The following GNA14 variants were observed in gnomAD, a reference collection of about 807,000 sequenced individuals.
The protein encoded by GNA14 is guanine nucleotide-binding protein subunit alpha-14.
In GNA14, 50 loss-of-function variants were observed where a neutral mutation model predicts 42.0. The ratio of observed to expected loss-of-function variants is 1.19; its 90% confidence interval spans 0.95 to 1.51. The LOEUF is 1.51. GNA14 is among the 40% of genes most tolerant of loss of function. The probability of loss-of-function intolerance (pLI) is 0.00; values close to 1 mark genes in which losing one functional copy is unlikely to be tolerated. For synonymous variants in GNA14, 173 were observed against 163.1 expected, an observed-to-expected ratio of 1.06 and a Z score of -0.46; for missense variants, 473 against 446.2, an observed-to-expected ratio of 1.06 and a Z score of -0.54.
chr9:77,582,182 C>T (rs769894270), intron 1 of GNA14, among the ~76,000 whole-genome samples: 45 of 152,194 alleles, frequency 3.0e-4, no homozygotes, highest in Non-Finnish European at 5.1e-4. Flanking sequence ...AAGGCAAGAA[C>T]GCTTCCAATC....
At chr9:77,485,876 A>C (rs1303815466) in intron 2 of GNA14, among the ~76,000 whole-genome samples, 1 of 152,196 alleles carries the variant, frequency 6.6e-6, no homozygotes, top group African/African-American at 2.4e-5. Context: ...GCTGTCATCC[A>C]GGCTTTGTTG....
At chr9:77,462,355 C>G (rs1408756534) in intron 2 of GNA14, among the ~76,000 whole-genome samples, 2 of 152,178 alleles carry the variant, frequency 1.3e-5, no homozygotes, top group Non-Finnish European at 2.9e-5. Context: ...CCCAGTGGCT[C>G]TTGCCTGGGA....
At chr9:77,554,727 A>G (rs970079014) in intron 1 of GNA14, among the ~76,000 whole-genome samples, 5 of 152,166 alleles carry the variant, frequency 3.3e-5, no homozygotes, top group Non-Finnish European at 4.4e-5. Flanking sequence ...TCAGAAAAAC[A>G]TCTCCTGTCT....
chr9:77,483,739 C>T (rs772266753), intron 2 of GNA14, among the ~76,000 whole-genome samples: 4 of 152,124 alleles, frequency 2.6e-5, no homozygotes, highest in Admixed American at 6.5e-5. Context: ...AACTAAAGCA[C>T]ATAAATCTTT....
At chr9:77,477,096 C>T (rs1299643087) in intron 2 of GNA14, among the ~76,000 whole-genome samples, 1 of 152,164 alleles carries the variant, frequency 6.6e-6, no homozygotes, top group Non-Finnish European at 1.5e-5. Context: ...GTAGCTCTCA[C>T]GTGTAATCCC....
intron 1 of GNA14, among the ~76,000 whole-genome samples, chr9:77,574,238 T>C (rs1288106731): frequency 6.6e-6 from 1 of 152,152 alleles, no homozygotes; most frequent in African/African-American, 2.4e-5. Flanking sequence ...GAAAGCAGTC[T>C]CAGCAACAGG....
At chr9:77,621,618 TTAGG>T (rs1285462479) in intron 1 of GNA14, among the ~76,000 whole-genome samples, 4 of 152,174 alleles carry the variant, frequency 2.6e-5, no homozygotes, top group African/African-American at 9.7e-5. Flanking sequence ...AATTAAATTA[TTAGG>T]TAAGAGAGAG....
chr9:77,551,367 T>G (rs1837783144), intron 1 of GNA14, among the ~76,000 whole-genome samples: 1 of 152,204 alleles, frequency 6.6e-6, no homozygotes, highest in Non-Finnish European at 1.5e-5. Flanking sequence ...ACTTCCTTTA[T>G]GTGGTCAACC....
intron 2 of GNA14, among the ~76,000 whole-genome samples, chr9:77,528,149 A>C (rs1194483139): frequency 6.6e-6 from 1 of 152,168 alleles, no homozygotes; most frequent in Non-Finnish European, 1.5e-5. Flanking sequence ...TTAATCATAT[A>C]TATATGAGTA....
chr9:77,510,749 T>G (rs1837151798), intron 2 of GNA14, among the ~76,000 whole-genome samples: 1 of 152,140 alleles, frequency 6.6e-6, no homozygotes, highest in African/African-American at 2.4e-5. Context: ...CTTTGGCCCT[T>G]TTCGTATCAG....
chr9:77,597,464 C>A (rs555337115), intron 1 of GNA14, among the ~76,000 whole-genome samples: 1 of 152,156 alleles, frequency 6.6e-6, no homozygotes, highest in African/African-American at 2.4e-5. Flanking sequence ...AACCAGACAC[C>A]ATGCTCAATC....
chr9:77,460,251 G>GAGGACAGAGGGAGACAC (rs1419059417), intron 2 of GNA14, among the ~76,000 whole-genome samples: 2 of 152,234 alleles, frequency 1.3e-5, no homozygotes, highest in Non-Finnish European at 2.9e-5. Flanking sequence ...AGAGACAGAA[G>GAGGACAGAGGGAGACAC]AGGACAGAGG....
chr9:77,571,871 A>G (rs1011217854), intron 1 of GNA14, among the ~76,000 whole-genome samples: 1 of 152,096 alleles, frequency 6.6e-6, no homozygotes, highest in African/African-American at 2.4e-5. Context: ...TGAAATGATA[A>G]TTTTTTTGAT....
At chr9:77,526,062 C>A (rs887809601) in intron 2 of GNA14, among the ~76,000 whole-genome samples, 3 of 149,954 alleles carry the variant, frequency 2.0e-5, no homozygotes, top group Non-Finnish European at 4.4e-5. Flanking sequence ...CCATCACACC[C>A]GGCTAATTTT....
intron 2 of GNA14, among the ~76,000 whole-genome samples, chr9:77,485,745 G>T (rs146984398): frequency 1.3e-5 from 2 of 152,072 alleles, no homozygotes; most frequent in African/African-American, 4.8e-5. Context: ...CCATCAGAGC[G>T]CTTAGGTGAC....
At chr9:77,626,735 G>C (rs959311833) in intron 1 of GNA14, among the ~76,000 whole-genome samples, 2 of 152,188 alleles carry the variant, frequency 1.3e-5, no homozygotes, top group Non-Finnish European at 2.9e-5. Flanking sequence ...AGCTAAAGCA[G>C]TGTTTAGAAG....
At chr9:77,516,391 G>A (rs1447020414) in intron 2 of GNA14, among the ~76,000 whole-genome samples, 2 of 152,124 alleles carry the variant, frequency 1.3e-5, no homozygotes, top group Non-Finnish European at 2.9e-5. Context: ...TCACTTGGAG[G>A]CAGGGAAGCA....
In GNA14 at chr9:77,603,943, CAAAAAAAAAAAACAAAAAAAAAAAA is replaced by C. The variant is rs1188762529; in HGVS notation, c.124+43702_124+43726del. ...TGGGAGACAGAGTAAGACTCCATCT[CAAAAAAAAAAAACAAAAAAAAAAAA>C]AAAAAAAAAAAAACACCTCTGAGAA... On this transcript the variant is annotated intron_variant, in intron 1 of 6. Transcript: ENST00000341700. 3.0e-4 allele frequency among the ~76,000 whole-genome samples: 12 copies of C among 40,166 alleles called. No individual in the cohort carries two copies. The Admixed American group carries it at 3.1e-3, about 10-fold the overall frequency. The allele number at this position is 40,166 out of a possible 152,430, so 26.4% of individuals were successfully genotyped here.
At chr9:77,485,580 G>C (rs1254706035) in intron 2 of GNA14, among the ~76,000 whole-genome samples, 3 of 152,180 alleles carry the variant, frequency 2.0e-5, no homozygotes, top group East Asian at 3.9e-4. Flanking sequence ...AGATCAATCA[G>C]AGAAGTCACT....
Sources: allele counts gnomAD v4.1 joint callset (sites outside exome capture counted in the v4.1 genomes callset), GRCh38; gene constraint gnomAD v4.1.1; transcripts MANE v1.5; gene names NCBI Gene and HGNC (gene_info 2026-07-23, HGNC 2026-07-21).